Variants in SH2D4B observed in about 807,000 individuals in gnomAD.
SH2D4B encodes SH2 domain containing 4B.
A neutral mutation model predicts 61.5 loss-of-function variants in SH2D4B; 45 were observed. That is an observed-to-expected ratio of 0.73 (90% CI 0.58 to 0.94). The LOEUF (loss-of-function observed/expected upper bound fraction) is 0.94. Among genes scored for constraint, SH2D4B ranks in the 40% least tolerant of loss-of-function variants. The probability of loss-of-function intolerance (pLI) is 0.00; values close to 1 mark genes in which losing one functional copy is unlikely to be tolerated. For synonymous variants in SH2D4B, 224 were observed against 220.4 expected (o/e 1.02, Z -0.14); for missense variants, 572 against 574.2 (o/e 1.00, Z 0.04).
At chr10:80,573,552 A>G (rs1842089219) in intron 3 of SH2D4B, among the ~76,000 whole-genome samples, 1 of 152,174 alleles carries the variant, frequency 6.6e-6, no homozygotes, top group Non-Finnish European at 1.5e-5. Flanking sequence ...TCCAAATGGC[A>G]GCCAGTAGTC....
At chr10:80,615,711 C>T (rs1842652165) in intron 6 of SH2D4B, among the ~76,000 whole-genome samples, 1 of 152,118 alleles carries the variant, frequency 6.6e-6, no homozygotes, top group South Asian at 2.1e-4. Context: ...AGTAGGAAGA[C>T]AGGAAATGCT....
At chr10:80,610,586 C>T (rs1188116268) in intron 6 of SH2D4B, among the ~76,000 whole-genome samples, 1 of 152,162 alleles carries the variant, frequency 6.6e-6, no homozygotes. Flanking sequence ...TGTATTAGGC[C>T]TCTCTGTATT....
rs773163204 is a variant in SH2D4B at position 80,571,506 on chromosome 10, G to T, written c.423G>T (p.Glu141Asp). 8.1e-6 allele frequency: 13 copies of T among 1,614,060 alleles called. No homozygotes were observed. Among genetic ancestry groups the T allele is most frequent in the Admixed American group, 5.0e-5 (3 of 60,002 alleles). ...LANEKARILA[E>D]KWKVEMEDRK... ...ATGAGAAAGCCCGGATCTTGGCGGA[G>T]AAGTGGAAAGTGGAGATGGAAGACC... The change falls in exon 3 of 8, where the codon GAG becomes GAT. Residue 141 changes from glutamate (E) to aspartate (D), a missense_variant. Physicochemically the swap from Glu to Asp is conservative, Grantham distance 45 (BLOSUM62 2). Coordinates refer to ENST00000646907, the MANE Select transcript of SH2D4B (RefSeq NM_001388272.1).
At chr10:80,640,345 G>A (rs1326431128) in intron 7 of SH2D4B, among the ~76,000 whole-genome samples, 4 of 152,140 alleles carry the variant, frequency 2.6e-5, no homozygotes, top group Admixed American at 6.5e-5. Flanking sequence ...GCCTTGCTAG[G>A]TTGGGGAAGT....
At chr10:80,585,587 T>C (rs764668698) in intron 3 of SH2D4B, among the ~76,000 whole-genome samples, 3 of 152,342 alleles carry the variant, frequency 2.0e-5, no homozygotes, top group Non-Finnish European at 4.4e-5. Flanking sequence ...AGTGCTGGGA[T>C]TACAGGCGTG....
chr10:80,618,925 A>G (rs1340866704), intron 6 of SH2D4B, among the ~76,000 whole-genome samples: 1 of 152,200 alleles, frequency 6.6e-6, no homozygotes, highest in Non-Finnish European at 1.5e-5. Flanking sequence ...AGGATTTGCT[A>G]ACATACGGAT....
intron 6 of SH2D4B, among the ~76,000 whole-genome samples, chr10:80,611,175 C>CAAAAAA (rs35997031): frequency 4.4e-5 from 2 of 45,040 alleles, no homozygotes; most frequent in African/African-American, 8.4e-5. Flanking sequence ...GACTCAGTCT[C>CAAAAAA]AAAAAAAAAA....
chr10:80,577,714 C>T lies in SH2D4B; in HGVS notation c.495+6136C>T, dbSNP rs1008105493. 9.9e-5 allele frequency among the ~76,000 whole-genome samples: 15 copies of T among 152,092 alleles called. No individual in the cohort carries two copies. In the South Asian group the frequency reaches 3.1e-3, roughly 32 times the overall value. On this transcript the variant is annotated intron_variant, in intron 3 of 7. Coordinates refer to ENST00000646907, the MANE Select transcript of SH2D4B (RefSeq NM_001388272.1). ...GCGCCGGGATTACAGGTGTGAGCCA[C>T]AGCGCCCGGCCTTTTTTTTTTGTAT...
chr10:80,572,974 A>ATTT (rs1842074679), intron 3 of SH2D4B, among the ~76,000 whole-genome samples: 1 of 7,686 alleles, frequency 1.3e-4, no homozygotes, highest in African/African-American at 6.0e-4. Flanking sequence ...ATATATATAT[A>ATTT]TATATATATA....
At chr10:80,602,417 C>T (rs1032691423) in intron 4 of SH2D4B, among the ~76,000 whole-genome samples, 7 of 152,130 alleles carry the variant, frequency 4.6e-5, no homozygotes, top group East Asian at 3.9e-4. Context: ...GAGCTGTGAT[C>T]GCACCACTGC....
intron 6 of SH2D4B, among the ~76,000 whole-genome samples, chr10:80,626,384 T>G (rs531367278): frequency 9.8e-5 from 15 of 152,360 alleles, no homozygotes; most frequent in Non-Finnish European, 2.1e-4. Context: ...TTTGTAGTGA[T>G]TTGCATTTTC....
intron 6 of SH2D4B, among the ~76,000 whole-genome samples, chr10:80,617,546 T>C (rs1842674200): frequency 6.6e-6 from 1 of 152,214 alleles, no homozygotes; most frequent in African/African-American, 2.4e-5. Context: ...TGTTGAGTGC[T>C]AAGTACAGGG....
chr10:80,576,502 G>A (rs538071619), intron 3 of SH2D4B, among the ~76,000 whole-genome samples: 1 of 152,192 alleles, frequency 6.6e-6, no homozygotes, highest in Non-Finnish European at 1.5e-5. Flanking sequence ...GAATGGTCCA[G>A]GTTCATGAGC....
At chr10:80,563,498 A>C (rs1010936227) in intron 1 of SH2D4B, among the ~76,000 whole-genome samples, 4 of 152,090 alleles carry the variant, frequency 2.6e-5, no homozygotes, top group Non-Finnish European at 5.9e-5. Flanking sequence ...TGTGCTTTTG[A>C]GTTTATAGCC....
chr10:80,546,635 C>T (rs1841684824), intron 1 of SH2D4B, among the ~76,000 whole-genome samples: 2 of 151,562 alleles, frequency 1.3e-5, no homozygotes, highest in East Asian at 1.9e-4. Flanking sequence ...ATGCCATTCT[C>T]CTGCCTCAGC....
At chr10:80,633,639 G>A (rs894160226) in intron 6 of SH2D4B, among the ~76,000 whole-genome samples, 2 of 152,296 alleles carry the variant, frequency 1.3e-5, no homozygotes, top group African/African-American at 4.8e-5. Flanking sequence ...GCATATCAAC[G>A]ACTCCAAGGC....
chr10:80,630,835 ACCAAACAGTG>A (rs1355282923), intron 6 of SH2D4B, among the ~76,000 whole-genome samples: 1 of 152,176 alleles, frequency 6.6e-6, no homozygotes, highest in Non-Finnish European at 1.5e-5. Flanking sequence ...AGCAGCCAGT[ACCAAACAGTG>A]CGATGAGCCC....
chr10:80,623,420 A>T (rs1385254796), intron 6 of SH2D4B, among the ~76,000 whole-genome samples: 2 of 152,190 alleles, frequency 1.3e-5, no homozygotes, highest in Non-Finnish European at 2.9e-5. Flanking sequence ...AATTCCATCC[A>T]TGAGCCCTCC....
chr10:80,615,220 C>T (rs1174989419), intron 6 of SH2D4B, among the ~76,000 whole-genome samples: 1 of 152,244 alleles, frequency 6.6e-6, no homozygotes, highest in Non-Finnish European at 1.5e-5. Context: ...TCCTGCATCC[C>T]ATGGCACTGC....
Sources: allele counts gnomAD v4.1 joint callset (sites outside exome capture counted in the v4.1 genomes callset), GRCh38; gene constraint gnomAD v4.1.1; transcripts MANE v1.5; gene names NCBI Gene and HGNC (gene_info 2026-07-23, HGNC 2026-07-21).